The following ENTPD6 variants were observed in gnomAD, a reference collection of about 807,000 sequenced individuals.
ENTPD6 encodes the protein ectonucleoside triphosphate diphosphohydrolase 6, also known as CD39 antigen-like 2.
ENTPD6 carries 46 observed loss-of-function variants against 61.5 expected under a neutral mutation model. The ratio of observed to expected loss-of-function variants is 0.75; its 90% CI spans 0.59 to 0.96. The LOEUF (loss-of-function observed/expected upper bound fraction) is 0.96. ENTPD6 is among the 40% of genes least tolerant of loss of function. The probability of loss-of-function intolerance (pLI) is 0.00; values close to 1 mark genes in which losing one functional copy is unlikely to be tolerated. For missense variants in ENTPD6, 612 were observed against 629.0 expected (o/e 0.97, Z 0.29); for synonymous variants, 252 against 255.5 (o/e 0.99, Z 0.13).
intron 10 of ENTPD6, 27 bp from the exon 11 acceptor site, chr20:25,221,205 C>G (rs1219736901): frequency 6.3e-7 from 1 of 1,583,868 alleles, no homozygotes; most frequent in Non-Finnish European, 8.7e-7. Flanking sequence ...ACCTTCCTTT[C>G]TCTTTCCTTT....
In ENTPD6 at chr20:25,224,133, G is replaced by C; in HGVS notation, c.1219G>C (p.Asp407His). The C allele has an allele frequency of 6.2e-7, 1 of 1,612,476 alleles. No individual in the cohort carries two copies. The highest frequency in any genetic ancestry group is 8.5e-7 in the Non-Finnish European group (1 of 1,179,288). ...GAAGGGAGGCAGCCTGGTGGTGGGG[G>C]ACTTCGAGATCGCAGCCAAGTACGG... is the stretch of plus-strand genomic sequence containing the variant. ...AEKGGSLVVG[D>H]FEIAAKYVCR... Residue 407 changes from aspartate to histidine, a missense_variant, in exon 13 of 15, where the codon GAC becomes CAC. Coordinates refer to ENST00000376652, the MANE Select transcript of ENTPD6 (RefSeq NM_001247.5).
At chr20:25,195,984 G>T (rs2090349200) in intron 1 of ENTPD6, 117 bp downstream of exon 1, 2 of 914,128 alleles carry the variant, frequency 2.2e-6, no homozygotes, top group Non-Finnish European at 1.4e-6. Context: ...CTCGCACCCC[G>T]GGTCCCACCT....
intron 11 of ENTPD6, 129 bp from the exon 12 acceptor site, chr20:25,222,709 C>G: frequency 7.7e-7 from 1 of 1,293,360 alleles, no homozygotes; most frequent in Non-Finnish European, 1.1e-6. Flanking sequence ...TGGGGTCTTA[C>G]AGGCTTCTGG....
In ENTPD6 at chr20:25,222,903, A is replaced by G; in HGVS notation, c.1111A>G (p.Thr371Ala). The G allele has an allele frequency of 1.2e-6, 2 of 1,614,136 alleles. No individual in the cohort carries two copies. The highest frequency in any genetic ancestry group is 1.7e-6 in the Non-Finnish European group (2 of 1,180,032). Residue 371 changes from threonine (T) to alanine (A), a missense_variant, in exon 12 of 15, where the codon ACG becomes GCG. Coordinates refer to ENST00000376652, the MANE Select transcript of ENTPD6 (RefSeq NM_001247.5). ...SEVLQNRVHR[T>A]EEVKHVDFYA... ...GGTCCTTCAAAACAGAGTGCACAGG[A>G]CGGAGGAAGTGAAGCATGTGGACTT... is the stretch of plus-strand genomic sequence containing the variant.
In ENTPD6 at chr20:25,225,381, C is replaced by T. The variant is rs867860051; in HGVS notation, c.1356+64C>T. The T allele has an allele frequency of 4.2e-5, 67 of 1,595,856 alleles. No individual in the cohort carries two copies. In the Middle Eastern group the frequency reaches 6.7e-4, roughly 16 times the overall value. On this transcript the variant is annotated intron_variant, in intron 14 of 14. Coordinates refer to ENST00000376652, the MANE Select transcript of ENTPD6 (RefSeq NM_001247.5). ...GAGTGAGGGGCCTAGAACCACTTCT[C>T]CAGTTGCTGGGGTCATGTCCCCCAG...
At chr20:25,202,209 G>A in intron 1 of ENTPD6, among the ~76,000 whole-genome samples, 1 of 152,216 alleles carries the variant, frequency 6.6e-6, no homozygotes, top group African/African-American at 2.4e-5. Flanking sequence ...GGAGGTGAAA[G>A]AGGAAAGGTT....
chr20:25,198,852 C>CAT (rs1179699472), intron 1 of ENTPD6, among the ~76,000 whole-genome samples: 1 of 152,178 alleles, frequency 6.6e-6, no homozygotes, highest in Non-Finnish European at 1.5e-5. Context: ...TGTCACCTCT[C>CAT]ATAGGGCCTG....
At chr20:25,219,827 C>T (rs2092550491) in intron 10 of ENTPD6, among the ~76,000 whole-genome samples, 1 of 152,248 alleles carries the variant, frequency 6.6e-6, no homozygotes, top group Admixed American at 6.5e-5. Flanking sequence ...TTTCATTCTC[C>T]TGTGCATGCC....
Position 25,207,329 on chromosome 20 carries a change from G to A in ENTPD6, c.308G>A (p.Gly103Glu). The change falls in exon 3 of 15, where the codon GGG becomes GAG. Residue 103 changes from glycine to glutamate, a missense_variant. Coordinates refer to ENST00000376652, the MANE Select transcript of ENTPD6 (RefSeq NM_001247.5). ...TAADGHEVFY[G>E]IMFDAGSTGT... ...GCAGACGGGCACGAGGTCTTCTACG[G>A]GATCATGTTTGATGCAGGAAGCACT... is the stretch of plus-strand genomic sequence containing the variant. The A allele has an allele frequency of 6.3e-7, 1 of 1,587,762 alleles. No individual in the cohort carries two copies. The highest frequency in any genetic ancestry group is 1.1e-5 in the South Asian group (1 of 89,434).
chr20:25,202,811 C>G (rs2091151513), intron 1 of ENTPD6, among the ~76,000 whole-genome samples: 1 of 152,156 alleles, frequency 6.6e-6, no homozygotes, highest in Non-Finnish European at 1.5e-5. Flanking sequence ...TGTTGCAGAC[C>G]AATTGTACAC....
intron 7 of ENTPD6, among the ~76,000 whole-genome samples, chr20:25,216,167 G>C (rs897617900): frequency 3.9e-5 from 6 of 152,154 alleles, no homozygotes; most frequent in African/African-American, 1.4e-4. Flanking sequence ...TAGTGCATGT[G>C]GATTTTTTGT....
chr20:25,223,033 T>TGGGGGGGGGGGG, intron 12 of ENTPD6, 55 bp downstream of exon 12: 7 of 632,694 alleles, frequency 1.1e-5, no homozygotes, highest in Non-Finnish European at 1.8e-5. Context: ...GGGGCGGGGG[T>TGGGGGGGGGGGG]GGAGGGCGTG....
chr20:25,199,473 T>C (rs541172958), intron 1 of ENTPD6, among the ~76,000 whole-genome samples: 82 of 152,354 alleles, frequency 5.4e-4, no homozygotes, highest in East Asian at 3.3e-3. Flanking sequence ...GCCTAGCCAT[T>C]GAAGGATTTT....
intron 13 of ENTPD6, chr20:25,224,407 C>T (rs1206877532): frequency 5.7e-6 from 2 of 349,526 alleles, no homozygotes; most frequent in East Asian, 9.4e-5. Context: ...AGAGTGATTT[C>T]CCCTGGGATG....
rs1304365062 is a variant in ENTPD6 at position 25,225,504 on chromosome 20, T to A, written c.1362T>A (p.Thr454=). ...GFPRSKVLKL[T]RKIDNVETSW... The stretch of plus-strand genomic sequence containing the variant: ...TCCCTCTCTGTCTTTTCAAGCTCAC[T>A]CGGAAAATTGACAATGTTGAGACCA... The change falls in exon 15 of 15, where the codon ACT becomes ACA. Residue 454 remains threonine, a synonymous_variant. Coordinates refer to ENST00000376652, the MANE Select transcript of ENTPD6 (RefSeq NM_001247.5). 1 of 1,613,772 alleles carries A rather than the reference T, an allele frequency of 6.2e-7. No individual in the cohort carries two copies. Among genetic ancestry groups the A allele is most frequent in the African/African-American group, 1.3e-5 (1 of 75,020 alleles).
chr20:25,211,803 A>T (rs2091981289), intron 4 of ENTPD6, among the ~76,000 whole-genome samples: 1 of 152,130 alleles, frequency 6.6e-6, no homozygotes, highest in Admixed American at 6.5e-5. Context: ...CATCGCTCAG[A>T]TGAAGTCTCT....
chr20:25,199,656 C>G lies in ENTPD6; in HGVS notation c.-16+3789C>G, dbSNP rs146005909. ...CAATAAGTCCTCCTCACCCACTGCC[C>G]TCAGCACCTGCCCTTCTACTCTCTG... On this transcript the variant is annotated intron_variant, in intron 1 of 14. Coordinates refer to ENST00000376652, the MANE Select transcript of ENTPD6 (RefSeq NM_001247.5). 9.1e-3 allele frequency among the ~76,000 whole-genome samples: 1,376 copies of G among 152,044 alleles called. 24 individuals are homozygous for G. The highest frequency in any genetic ancestry group is 9.0e-3 in the Non-Finnish European group (611 of 67,868).
intron 1 of ENTPD6, among the ~76,000 whole-genome samples, chr20:25,198,336 C>T (rs1600476881): frequency 6.6e-6 from 1 of 151,882 alleles, no homozygotes; most frequent in East Asian, 1.9e-4. Context: ...ATTAGCTGGG[C>T]GTGGTGGTGC....
rs751618091 is a variant in ENTPD6 at position 25,225,547 on chromosome 20, A to AT, written c.1410dup (p.His471SerfsTer182). ...TGAGACCAGCTGGGCTCTGGGGGCCATTTTTCATTACATCGACTCCCTGAA... is the reference window on the plus strand; with the variant it reads ...TGAGACCAGCTGGGCTCTGGGGGCCATTTTTTCATTACATCGACTCCCTGAA... On this transcript the variant is annotated frameshift_variant, in exon 15 of 15. Transcript: ENST00000376652. LOFTEE classifies it high-confidence loss of function. 6.2e-7 allele frequency: 1 copy of AT among 1,613,890 alleles called. No homozygotes were observed. The highest frequency in any genetic ancestry group is 2.2e-5 in the East Asian group (1 of 44,862).
Sources: allele counts gnomAD v4.1 joint callset (sites outside exome capture counted in the v4.1 genomes callset), GRCh38; gene constraint gnomAD v4.1.1; transcripts MANE v1.5; gene names NCBI Gene and HGNC (gene_info 2026-07-23, HGNC 2026-07-21).